Variants in SHISA9 observed in about 807,000 individuals in gnomAD.
SHISA9 encodes the protein protein shisa-9.
Under a neutral mutation model 38.0 loss-of-function variants are expected in SHISA9, and 13 were observed. The observed-to-expected ratio is 0.34, with a 90% CI of 0.22 to 0.54. The LOEUF (loss-of-function observed/expected upper bound fraction) is 0.54. Among genes scored for constraint, SHISA9 ranks in the 20% least tolerant of loss-of-function variants. The pLI, the probability that SHISA9 is intolerant of heterozygous loss-of-function variation, is 0.91. For missense variants in SHISA9, 538 were observed against 575.8 expected (o/e 0.93, Z 0.67); for synonymous variants, 275 against 242.0 (o/e 1.14, Z -1.27).
intron 4 of SHISA9, among the ~76,000 whole-genome samples, chr16:13,220,414 C>T (rs538867961): frequency 7.9e-5 from 12 of 152,188 alleles, no homozygotes; most frequent in South Asian, 4.1e-4. Flanking sequence ...GCTAACATCT[C>T]TTAGTCACAC....
chr16:12,911,218 C>G (rs1249790567), intron 1 of SHISA9: 1 of 979,936 alleles, frequency 1.0e-6, no homozygotes, highest in Non-Finnish European at 1.2e-6. Context: ...GATTCAGAAT[C>G]TGCATTTTAA....
chr16:13,037,708 C>T, intron 2 of SHISA9, among the ~76,000 whole-genome samples: 1 of 152,144 alleles, frequency 6.6e-6, no homozygotes, highest in Admixed American at 6.5e-5. Context: ...ACTGGTCCTC[C>T]CACTTCCAGC....
At chr16:12,986,116 G>T (rs1236239687) in intron 2 of SHISA9, among the ~76,000 whole-genome samples, 1 of 151,996 alleles carries the variant, frequency 6.6e-6, no homozygotes, top group Non-Finnish European at 1.5e-5. Flanking sequence ...TTTCATAACT[G>T]GGAGTAGTTT....
chr16:13,127,790 A>T (rs28406687), intron 2 of SHISA9, among the ~76,000 whole-genome samples: 11,367 of 152,154 alleles, frequency 0.075, 549 homozygotes, highest in East Asian at 0.22. Flanking sequence ...GTGGGGATTA[A>T]GCCATAAAAT....
At chr16:13,318,721 G>A in the SHISA9 span, among the ~76,000 whole-genome samples, 1 of 152,204 alleles carries the variant, frequency 6.6e-6, no homozygotes, top group African/African-American at 2.4e-5. Context: ...AGCTGTCTCT[G>A]TCTGGTTCAC....
the SHISA9 span, among the ~76,000 whole-genome samples, chr16:13,464,802 A>G: frequency 6.6e-6 from 1 of 152,018 alleles, no homozygotes; most frequent in African/African-American, 2.4e-5. Context: ...AATTCCCGAG[A>G]TATGTTCTAT....
At chr16:13,449,320 C>A in the SHISA9 span, among the ~76,000 whole-genome samples, 2 of 152,200 alleles carry the variant, frequency 1.3e-5, no homozygotes, top group East Asian at 1.9e-4. Context: ...TTAACTTATT[C>A]TCTTCTATCT....
At chr16:13,124,793 A>G (rs2050242359) in intron 2 of SHISA9, among the ~76,000 whole-genome samples, 1 of 152,242 alleles carries the variant, frequency 6.6e-6, no homozygotes, top group Non-Finnish European at 1.5e-5. Flanking sequence ...GGAGCAGAAT[A>G]GAGAACCCAG....
chr16:13,092,685 G>A (rs748379892), intron 2 of SHISA9, among the ~76,000 whole-genome samples: 1 of 152,262 alleles, frequency 6.6e-6, no homozygotes, highest in Non-Finnish European at 1.5e-5. Flanking sequence ...GAAAAGCACA[G>A]TATTTGGGCA....
At chr16:13,008,355 C>A (rs1017822742) in intron 2 of SHISA9, among the ~76,000 whole-genome samples, 11 of 152,262 alleles carry the variant, frequency 7.2e-5, no homozygotes, top group African/African-American at 2.4e-4. Flanking sequence ...CCAAAATAAA[C>A]CATTGCACTC....
At chr16:13,109,072 G>T (rs1386999519) in intron 2 of SHISA9, among the ~76,000 whole-genome samples, 1 of 152,098 alleles carries the variant, frequency 6.6e-6, no homozygotes, top group Non-Finnish European at 1.5e-5. Flanking sequence ...TTATCTTTTT[G>T]TGTGTGTGTG....
At chr16:13,544,415 T>G in the SHISA9 span, among the ~76,000 whole-genome samples, 112 of 9,818 alleles carry the variant, frequency 0.011, no homozygotes, top group Non-Finnish European at 0.014. Context: ...TTTTTTCGGG[T>G]TTTTTTTTTT....
intron 2 of SHISA9, among the ~76,000 whole-genome samples, chr16:13,154,185 T>C (rs1480396839): frequency 6.6e-6 from 1 of 152,218 alleles, no homozygotes; most frequent in Non-Finnish European, 1.5e-5. Flanking sequence ...TATCGTCATT[T>C]TACAGGTGGG....
At chr16:13,548,860 G>GGT in the SHISA9 span, among the ~76,000 whole-genome samples, 1 of 151,868 alleles carries the variant, frequency 6.6e-6, no homozygotes, top group East Asian at 1.9e-4. Flanking sequence ...CCCACAGCTG[G>GGT]GTATATATAC....
chr16:13,026,371 A>G (rs2072922334), intron 2 of SHISA9, among the ~76,000 whole-genome samples: 1 of 152,202 alleles, frequency 6.6e-6, no homozygotes, highest in Non-Finnish European at 1.5e-5. Flanking sequence ...AATGTCCTCA[A>G]GTCTTATCTA....
intron 2 of SHISA9, among the ~76,000 whole-genome samples, chr16:13,015,878 CTTTCTTTCTTTCTTTCTT>C (rs1567182349): frequency 9.8e-5 from 11 of 111,862 alleles, no homozygotes; most frequent in African/African-American, 3.3e-4. Context: ...TTCTTTCTTT[CTTTCTTTCTTTCTTTCTT>C]TCTTTCTTTC....
In SHISA9 at chr16:13,042,898, A is replaced by G. The variant is rs2073147978; in HGVS notation, c.691+126083A>G. Among the ~76,000 whole-genome samples the G allele has an allele frequency of 2.0e-5, 3 of 152,356 alleles. No individual in the cohort carries two copies. The South Asian group carries it at 6.2e-4, about 32-fold the overall frequency. ...CCTAGAAGCATCCCTGGCACACGGT[A>G]GAGGCTCAAAGAATATTTATAGAAT... On this transcript the variant is annotated intron_variant, in intron 2 of 4. Coordinates refer to ENST00000558583, the MANE Select transcript of SHISA9 (RefSeq NM_001145204.3).
the SHISA9 span, among the ~76,000 whole-genome samples, chr16:13,418,642 T>A: frequency 1.7e-4 from 26 of 152,128 alleles, no homozygotes; most frequent in African/African-American, 5.8e-4. Flanking sequence ...GGAGCTCTGA[T>A]GATGTGGGGC....
At chr16:13,269,940 G>T in the SHISA9 span, among the ~76,000 whole-genome samples, 1 of 152,148 alleles carries the variant, frequency 6.6e-6, no homozygotes, top group African/African-American at 2.4e-5. Flanking sequence ...TTCCCCACTA[G>T]CGAGGCTGAC....
Sources: gnomAD v4.1 joint callset for allele counts (sites outside exome capture counted in the v4.1 genomes callset) on GRCh38, gnomAD v4.1.1 for gene constraint, MANE v1.5 for transcripts, NCBI Gene and HGNC (gene_info 2026-07-23, HGNC 2026-07-21) for gene names.